The following TRIO variants were observed in gnomAD, a reference collection of about 807,000 sequenced individuals.
The protein encoded by TRIO is trio Rho guanine nucleotide exchange factor.
A neutral mutation model predicts 351.9 loss-of-function variants in TRIO; 58 were observed. That is an observed-to-expected ratio of 0.16 (90% confidence interval 0.13 to 0.21). TRIO has a LOEUF of 0.21. TRIO is among the 10% of genes least tolerant of loss of function. The pLI, the probability that TRIO is intolerant of heterozygous loss-of-function variation, is 1.00. For synonymous variants in TRIO, 1,758 were observed against 1,595.7 expected (o/e 1.10, Z -2.42); for missense variants, 3,201 against 4,027.8 (o/e 0.79, Z 5.56).
chr5:14,473,694 A>G (rs977160762), intron 39 of TRIO, among the ~76,000 whole-genome samples: 4 of 152,256 alleles, frequency 2.6e-5, no homozygotes, highest in African/African-American at 4.8e-5. Flanking sequence ...AATATTTACA[A>G]ACTGTTTAAT....
chr5:14,408,012 T>TGA (rs1293509642), intron 33 of TRIO, among the ~76,000 whole-genome samples: 1 of 152,250 alleles, frequency 6.6e-6, no homozygotes, highest in Non-Finnish European at 1.5e-5. Flanking sequence ...CCTCATTTCA[T>TGA]GAGACCTTTG....
At position 14,143,742 on chromosome 5, in the gene TRIO, G is replaced by C; in HGVS notation, c.17G>C (p.Gly6Ala). ...GCCGCAGCCATGAGCGGCAGCAGCG[G>C]CGGAGCCGCCGCCCCCGCCGCGTCC... MSGSS[G>A]GAAAPAASSG... The change falls in exon 1 of 57, where the codon GGC (glycine) becomes GCC (alanine). Residue 6 changes from glycine (G) to alanine (A), a missense_variant. Transcript: ENST00000344204. The C allele has an allele frequency of 1.0e-6, 1 of 981,536 alleles. No homozygotes were observed. Among genetic ancestry groups the C allele is most frequent in the Non-Finnish European group, 1.2e-6 (1 of 829,252 alleles). The allele number at this position is 981,536 out of a possible 1,614,324, so 60.8% of individuals were successfully genotyped here.
chr5:14,482,444 A>C (rs979727657), intron 45 of TRIO, 138 bp from the exon 46 acceptor site: 13 of 704,824 alleles, frequency 1.8e-5, no homozygotes, highest in Non-Finnish European at 2.2e-5. Context: ...TAAAAGAAAA[A>C]AAAAATTAAA....
At chr5:14,175,462 C>T (rs1789350267) in intron 1 of TRIO, among the ~76,000 whole-genome samples, 2 of 151,846 alleles carry the variant, frequency 1.3e-5, no homozygotes, top group Admixed American at 6.6e-5. Flanking sequence ...CTTTTTGCTG[C>T]GTAAATTATA....
At chr5:14,158,209 G>A (rs976522226) in intron 1 of TRIO, among the ~76,000 whole-genome samples, 7 of 152,028 alleles carry the variant, frequency 4.6e-5, no homozygotes, top group East Asian at 1.9e-4. Flanking sequence ...TGCGGATCAC[G>A]AGGTCAAGAG....
At chr5:14,454,953 T>G (rs1753151622) in intron 34 of TRIO, among the ~76,000 whole-genome samples, 1 of 151,958 alleles carries the variant, frequency 6.6e-6, no homozygotes, top group East Asian at 1.9e-4. Flanking sequence ...TCGCGGTGAG[T>G]GTTACAGCGC....
intron 11 of TRIO, among the ~76,000 whole-genome samples, chr5:14,355,399 G>A (rs769418255): frequency 6.6e-6 from 1 of 152,186 alleles, no homozygotes; most frequent in Non-Finnish European, 1.5e-5. Flanking sequence ...TTGACGTGAA[G>A]CCCTCTGCTG....
At chr5:14,455,937 A>T (rs1434785182) in intron 34 of TRIO, among the ~76,000 whole-genome samples, 1 of 152,236 alleles carries the variant, frequency 6.6e-6, no homozygotes, top group Non-Finnish European at 1.5e-5. Flanking sequence ...GGCGCTGCGG[A>T]GGCTCAGGCT....
chr5:14,381,870 G>A (rs1206946449), intron 21 of TRIO, among the ~76,000 whole-genome samples: 1 of 152,198 alleles, frequency 6.6e-6, no homozygotes, highest in African/African-American at 2.4e-5. Context: ...CCATATGTGT[G>A]AGTAAATATG....
chr5:14,329,968 G>A lies in TRIO; in HGVS notation c.1732-810G>A, dbSNP rs142811305. On this transcript the variant is annotated intron_variant, in intron 9 of 56. Coordinates refer to ENST00000344204, the MANE Select transcript of TRIO (RefSeq NM_007118.4). ...TTGTGGATGCGGAACCCTTCTGTACGGAGAGCCGACTGTACTTATTTTTTA... is the reference window on the plus strand; with the variant it reads ...TTGTGGATGCGGAACCCTTCTGTACAGAGAGCCGACTGTACTTATTTTTTA... Among the ~76,000 whole-genome samples, 421 of 152,250 alleles carry A rather than the reference G, an allele frequency of 2.8e-3. 3 individuals are homozygous for A. Among genetic ancestry groups the A allele is most frequent in the African/African-American group, 9.5e-3 (395 of 41,536 alleles).
At chr5:14,376,821 A>G (rs2152350006) in intron 19 of TRIO, among the ~76,000 whole-genome samples, 1 of 152,318 alleles carries the variant, frequency 6.6e-6, no homozygotes. Context: ...TGGGGTCATC[A>G]TACTCAGTTT....
intron 37 of TRIO, among the ~76,000 whole-genome samples, chr5:14,469,505 A>G (rs1212341141): frequency 6.6e-6 from 1 of 152,258 alleles, no homozygotes; most frequent in East Asian, 1.9e-4. Context: ...TAAGAAAGAG[A>G]GGAGAAGGAC....
intron 1 of TRIO, among the ~76,000 whole-genome samples, chr5:14,157,298 T>A (rs1349968850): frequency 6.6e-6 from 1 of 152,258 alleles, no homozygotes; most frequent in African/African-American, 2.4e-5. Context: ...TGAGTTTATG[T>A]GCAGTCAGTC....
chr5:14,341,993 T>A (rs1260444663), intron 11 of TRIO, among the ~76,000 whole-genome samples: 3 of 152,248 alleles, frequency 2.0e-5, no homozygotes, highest in Non-Finnish European at 4.4e-5. Flanking sequence ...AACAAAGGCC[T>A]CCCAGCCACC....
At chr5:14,220,063 TTA>T (rs1792507199) in intron 1 of TRIO, among the ~76,000 whole-genome samples, 1 of 150,160 alleles carries the variant, frequency 6.7e-6, no homozygotes. Flanking sequence ...TTTTTTTTTT[TTA>T]AAAACAAATT....
At chr5:14,159,039 T>C (rs1386383986) in intron 1 of TRIO, among the ~76,000 whole-genome samples, 1 of 152,166 alleles carries the variant, frequency 6.6e-6, no homozygotes, top group African/African-American at 2.4e-5. Context: ...CTCAGGTGGC[T>C]ATAGGGACAA....
At chr5:14,269,624 G>T (rs1412901016) in intron 1 of TRIO, among the ~76,000 whole-genome samples, 1 of 152,188 alleles carries the variant, frequency 6.6e-6, no homozygotes, top group Non-Finnish European at 1.5e-5. Flanking sequence ...CCTTTTCCAG[G>T]TGTCTCTCCC....
intron 6 of TRIO, 126 bp downstream of exon 6, chr5:14,293,260 C>T: frequency 7.5e-7 from 1 of 1,326,240 alleles, no homozygotes; most frequent in Non-Finnish European, 1.0e-6. Context: ...TAGCAGCTGA[C>T]CTTCACATGG....
chr5:14,490,811 T>C (rs1222274208), intron 48 of TRIO: 4 of 455,994 alleles, frequency 8.8e-6, no homozygotes, highest in South Asian at 1.5e-5. Context: ...AAAGCAGCTG[T>C]GCTGCAGAAG....
Sources: allele counts gnomAD v4.1 joint callset (sites outside exome capture counted in the v4.1 genomes callset), GRCh38; gene constraint gnomAD v4.1.1; transcripts MANE v1.5; gene names NCBI Gene and HGNC (gene_info 2026-07-23, HGNC 2026-07-21).